ROCK1: variants seen among roughly 807,000 people sequenced by gnomAD.
ROCK1 encodes the protein Rho associated coiled-coil containing protein kinase 1.
Under a neutral mutation model 196.8 loss-of-function variants are expected in ROCK1, and 36 were observed. The ratio of observed to expected loss-of-function variants is 0.18; its 90% CI spans 0.14 to 0.24. The LOEUF is 0.24. ROCK1 is among the 10% of genes least tolerant of loss of function. ROCK1 has a pLI of 1.00. For missense variants in ROCK1, 920 were observed against 1,562.0 expected (o/e 0.59, Z 6.93); for synonymous variants, 443 against 515.9 (o/e 0.86, Z 1.91).
At chr18:20,981,907 T>C (rs2035536702) in intron 21 of ROCK1, among the ~76,000 whole-genome samples, 1 of 152,218 alleles carries the variant, frequency 6.6e-6, no homozygotes, top group African/African-American at 2.4e-5. Context: ...AGAAAAATAA[T>C]CTGATTTGAA....
chr18:20,967,471 AT>A (rs900445537), intron 26 of ROCK1, among the ~76,000 whole-genome samples: 3 of 152,214 alleles, frequency 2.0e-5, no homozygotes, highest in Non-Finnish European at 4.4e-5. Context: ...ATTTTGTTCT[AT>A]TAACAAGCCA....
intron 27 of ROCK1, among the ~76,000 whole-genome samples, chr18:20,964,337 T>C (rs1473359804): frequency 6.6e-6 from 1 of 152,298 alleles, no homozygotes; most frequent in East Asian, 1.9e-4. Context: ...ATATTAAGAA[T>C]GAATATCAAC....
chr18:21,008,470 G>A (rs986258600), intron 13 of ROCK1, among the ~76,000 whole-genome samples: 2 of 152,172 alleles, frequency 1.3e-5, no homozygotes, highest in African/African-American at 4.8e-5. Flanking sequence ...GACGGCTTTT[G>A]CCATGTTGGC....
chr18:21,016,621 G>C (rs956386383), intron 12 of ROCK1, among the ~76,000 whole-genome samples: 1 of 151,936 alleles, frequency 6.6e-6, no homozygotes, highest in Non-Finnish European at 1.5e-5. Context: ...CTCCAAAATA[G>C]AACTTACTGC....
At chr18:21,017,263 C>A (rs965054294) in intron 12 of ROCK1, among the ~76,000 whole-genome samples, 2 of 145,426 alleles carry the variant, frequency 1.4e-5, no homozygotes, top group Non-Finnish European at 3.0e-5. Flanking sequence ...GCAATCTCAG[C>A]TCACTGCAAG....
chr18:20,966,829 G>A, intron 27 of ROCK1, 88 bp downstream of exon 27: 1 of 1,030,048 alleles, frequency 9.7e-7, no homozygotes, highest in Non-Finnish European at 1.4e-6. Context: ...TGGACAAAAT[G>A]ACAAGGAGGT....
intron 1 of ROCK1, among the ~76,000 whole-genome samples, chr18:21,107,086 G>T (rs1223679494): frequency 6.6e-6 from 1 of 152,128 alleles, no homozygotes; most frequent in African/African-American, 2.4e-5. Context: ...CAACCTGAAG[G>T]TTATTTTTTG....
intron 12 of ROCK1, 45 bp downstream of exon 12, chr18:21,020,106 G>T: frequency 1.8e-6 from 2 of 1,117,480 alleles, no homozygotes; most frequent in Non-Finnish European, 2.6e-6. Flanking sequence ...GTAAGTATTT[G>T]GTATATAAAA....
chr18:20,961,569 G>C (rs2035326845), intron 27 of ROCK1, among the ~76,000 whole-genome samples: 1 of 152,090 alleles, frequency 6.6e-6, no homozygotes, highest in Non-Finnish European at 1.5e-5. Context: ...AAGCTCTATG[G>C]TTTCAAACCC....
At chr18:20,975,070 C>G (rs2035467061) in intron 22 of ROCK1, among the ~76,000 whole-genome samples, 1 of 152,144 alleles carries the variant, frequency 6.6e-6, no homozygotes, top group Non-Finnish European at 1.5e-5. Flanking sequence ...AATGAAATAT[C>G]TGAAAATTCC....
rs746529827 is a variant in ROCK1, at chr18:20,968,828, T to A, written c.2947A>T (p.Asn983Tyr). Residue 983 changes from asparagine to tyrosine, a missense_variant, in exon 25 of 33, where the codon AAT becomes TAT. By Grantham distance (143) the Asn-to-Tyr change is moderately radical (BLOSUM62 -2). Coordinates refer to ENST00000399799, the MANE Select transcript of ROCK1 (RefSeq NM_005406.3). ...YKLEKEEEIS[N>Y]LKAAFEKNIN... is the part of the protein sequence containing the mutation. ...TTCTTTTCAAAGGCAGCCTTAAGAT[T>A]ACTGATCTCCTCCTCCTTCTCCAGT... 4 of 1,608,074 alleles carry A rather than the reference T, an allele frequency of 2.5e-6. No individual in the cohort carries two copies. In the Admixed American group the frequency reaches 6.7e-5, roughly 27 times the overall value.
chr18:20,965,383 TCATA>T (rs766977630), intron 27 of ROCK1, among the ~76,000 whole-genome samples: 1 of 148,958 alleles, frequency 6.7e-6, no homozygotes, highest in Admixed American at 6.9e-5. Flanking sequence ...TGAGACTGTT[TCATA>T]CATACATACA....
intron 5 of ROCK1, 109 bp downstream of exon 5, chr18:21,045,183 C>T: frequency 9.7e-7 from 1 of 1,029,324 alleles, no homozygotes; most frequent in Non-Finnish European, 1.4e-6. Context: ...TGAAAGGTCA[C>T]TTATGTCATA....
At position 20,950,552 on chromosome 18, in the gene ROCK1, TATC is replaced by T. The variant is rs941809243; in HGVS notation, c.*829_*831del. ...TATATGTTTGTTAACTTAATGTCTT[TATC>T]ATTTAAAACCACAAAGAAATACATT... On this transcript the variant is annotated 3_prime_UTR_variant, in exon 33 of 33. Coordinates refer to ENST00000399799, the MANE Select transcript of ROCK1 (RefSeq NM_005406.3). 7.9e-5 allele frequency: 12 copies of T among 152,066 alleles called. No individual in the cohort carries two copies. Among genetic ancestry groups the T allele is most frequent in the African/African-American group, 2.9e-4 (12 of 41,268 alleles). 9.4% of individuals were successfully genotyped at this position (152,066 alleles called of 1,614,324 possible).
chr18:21,104,795 T>C (rs2036689819), intron 1 of ROCK1, among the ~76,000 whole-genome samples: 1 of 152,194 alleles, frequency 6.6e-6, no homozygotes, highest in Non-Finnish European at 1.5e-5. Flanking sequence ...TATATCCAAC[T>C]AAACCCTTGG....
intron 16 of ROCK1, among the ~76,000 whole-genome samples, chr18:21,005,266 A>G (rs750012201): frequency 2.0e-5 from 3 of 152,230 alleles, no homozygotes; most frequent in Non-Finnish European, 4.4e-5. Flanking sequence ...TAGATTCACA[A>G]AGACTGTCAA....
intron 2 of ROCK1, among the ~76,000 whole-genome samples, chr18:21,067,751 T>A (rs144936223): frequency 3.0e-4 from 45 of 152,332 alleles, no homozygotes; most frequent in African/African-American, 9.9e-4. Flanking sequence ...GTCCAGTTTA[T>A]CTATTTTTCT....
Position 21,006,402 on chromosome 18 carries a change from C to T in ROCK1, c.1834G>A (p.Ala612Thr). Residue 612 changes from alanine (A) to threonine (T), a missense_variant, in exon 16 of 33, where the codon GCT becomes ACT. Transcript: ENST00000399799. ...TCATGACCTCTGTCTCTTCGTTCAGCTTCTAATATAGCTTGCAGCTGGTAA... is the reference window on the plus strand; with the variant it reads ...TCATGACCTCTGTCTCTTCGTTCAGTTTCTAATATAGCTTGCAGCTGGTAA... ...DYYQLQAILE[A>T]ERRDRGHDSE... is the part of the protein sequence containing the mutation. 1 of 1,613,422 alleles carries T rather than the reference C, an allele frequency of 6.2e-7. No homozygotes were observed. The highest frequency in any genetic ancestry group is 8.5e-7 in the Non-Finnish European group (1 of 1,179,942).
chr18:20,965,971 C>T (rs1464010995), intron 27 of ROCK1, among the ~76,000 whole-genome samples: 1 of 152,120 alleles, frequency 6.6e-6, no homozygotes, highest in Admixed American at 6.6e-5. Context: ...TCCTCTAGTT[C>T]CTTATATCAA....
Sources: allele counts gnomAD v4.1 joint callset (sites outside exome capture counted in the v4.1 genomes callset), GRCh38; gene constraint gnomAD v4.1.1; transcripts MANE v1.5; gene names NCBI Gene and HGNC (gene_info 2026-07-23, HGNC 2026-07-21).